AVPI1: variants seen among roughly 807,000 people sequenced by gnomAD.
AVPI1 encodes arginine vasopressin-induced protein 1.
A neutral mutation model predicts 11.9 loss-of-function variants in AVPI1; 9 were observed. That is an observed-to-expected ratio of 0.76 (90% CI 0.46 to 1.32). AVPI1 has a LOEUF of 1.32. AVPI1 is among the 40% of genes most tolerant of loss of function. AVPI1 has a pLI of 0.00. For synonymous variants in AVPI1, 68 were observed against 78.1 expected, an observed-to-expected ratio of 0.87 and a Z score of 0.68; for missense variants, 207 against 195.8, an observed-to-expected ratio of 1.06 and a Z score of -0.34.
At position 97,685,842 on chromosome 10, in the gene AVPI1, A is replaced by T. The variant is rs762939807; in HGVS notation, c.-11+924T>A. 7.9e-5 allele frequency among the ~76,000 whole-genome samples: 12 copies of T among 152,258 alleles called. No individual in the cohort carries two copies. In the East Asian group the frequency reaches 2.1e-3, roughly 27 times the overall value. ...AGGAACTGGGCCCTTTCCCCAGACC[A>T]GTTCTCATATATGACCTGGAAATAA... is the stretch of plus-strand genomic sequence containing the variant. On this transcript the variant is annotated intron_variant, in intron 1 of 2. Transcript: ENST00000370626.
intron 2 of AVPI1, among the ~76,000 whole-genome samples, chr10:97,678,760 T>C (rs1440680801): frequency 8.6e-5 from 13 of 151,620 alleles, no homozygotes; most frequent in Admixed American, 2.0e-4. Context: ...GGATCATAGC[T>C]TACTGCAGCC....
At chr10:97,682,192 G>A (rs2041708708) in intron 1 of AVPI1, among the ~76,000 whole-genome samples, 1 of 152,168 alleles carries the variant, frequency 6.6e-6, no homozygotes, top group African/African-American at 2.4e-5. Flanking sequence ...TGGGTCAGGG[G>A]TACAGGTAAA....
At chr10:97,684,788 C>A (rs1488711667) in intron 1 of AVPI1, among the ~76,000 whole-genome samples, 1 of 152,184 alleles carries the variant, frequency 6.6e-6, no homozygotes, top group African/African-American at 2.4e-5. Context: ...GCGTGAGCCA[C>A]CATGACCGGC....
At chr10:97,681,276 T>TA (rs1372224837) in intron 1 of AVPI1, among the ~76,000 whole-genome samples, 3 of 152,120 alleles carry the variant, frequency 2.0e-5, no homozygotes, top group Non-Finnish European at 4.4e-5. Flanking sequence ...AGAGGATAAA[T>TA]AAAAAATTTA....
chr10:97,682,129 G>T (rs1221443336), intron 1 of AVPI1, among the ~76,000 whole-genome samples: 1 of 152,210 alleles, frequency 6.6e-6, no homozygotes, highest in Non-Finnish European at 1.5e-5. Context: ...CATGGATACT[G>T]AGGAATTTAT....
chr10:97,686,398 G>A (rs535884873), intron 1 of AVPI1, among the ~76,000 whole-genome samples: 260 of 152,312 alleles, frequency 1.7e-3, no homozygotes, highest in Non-Finnish European at 2.9e-3. Flanking sequence ...TCAGTGTCAA[G>A]CGCAGAACAG....
In AVPI1 at chr10:97,677,644, G is replaced by A; in HGVS notation, c.*225C>T. ...TAGTGTTAGACTGGGAAGGACTGTGGCAGGAACAGTCACTGTCTCTCCTCA... is the reference window on the plus strand; with the variant it reads ...TAGTGTTAGACTGGGAAGGACTGTGACAGGAACAGTCACTGTCTCTCCTCA... On this transcript the variant is annotated 3_prime_UTR_variant, in exon 3 of 3. Transcript: ENST00000370626. 1.9e-6 allele frequency: 1 copy of A among 530,810 alleles called. No homozygotes were observed. Among genetic ancestry groups the A allele is most frequent in the Non-Finnish European group, 3.4e-6 (1 of 297,402 alleles). The allele number at this position is 530,810 out of a possible 1,614,324, so 32.9% of individuals were successfully genotyped here. A position where few individuals can be genotyped will look rare whatever the true frequency, so the allele number is the denominator to read the frequency against.
At chr10:97,685,700 A>G (rs1018262968) in intron 1 of AVPI1, among the ~76,000 whole-genome samples, 1 of 152,198 alleles carries the variant, frequency 6.6e-6, no homozygotes, top group Non-Finnish European at 1.5e-5. Flanking sequence ...TCAAATGGGA[A>G]GCCCAGTTCA....
At chr10:97,683,282 C>T (rs962224383) in intron 1 of AVPI1, among the ~76,000 whole-genome samples, 29 of 152,110 alleles carry the variant, frequency 1.9e-4, no homozygotes, top group Admixed American at 1.8e-3. Context: ...CTCAGCCTCC[C>T]GAATAGCTGG....
chr10:97,680,004 T>C, intron 1 of AVPI1, 89 bp from the exon 2 acceptor site: 1 of 1,259,520 alleles, frequency 7.9e-7, no homozygotes, highest in South Asian at 1.5e-5. Context: ...TTCTGATGTT[T>C]CCATTCTCCA....
At chr10:97,685,006 C>T (rs1207893923) in intron 1 of AVPI1, among the ~76,000 whole-genome samples, 3 of 152,172 alleles carry the variant, frequency 2.0e-5, no homozygotes, top group Non-Finnish European at 1.5e-5. Flanking sequence ...CTCCAATTTC[C>T]TGGAGAAGAC....
chr10:97,681,207 G>A (rs1589943711), intron 1 of AVPI1, among the ~76,000 whole-genome samples: 1 of 152,190 alleles, frequency 6.6e-6, no homozygotes, highest in African/African-American at 2.4e-5. Flanking sequence ...AAGGATAAAT[G>A]AGCCCAGTAT....
intron 2 of AVPI1, among the ~76,000 whole-genome samples, chr10:97,678,744 G>A (rs986678793): frequency 2.0e-5 from 3 of 151,572 alleles, no homozygotes; most frequent in African/African-American, 7.3e-5. Context: ...CTGGAGTGCA[G>A]TGACAGGATC....
rs2041702232 is a variant in AVPI1 at position 97,681,333 on chromosome 10, C to T, written c.-10-1418G>A. 7.2e-5 allele frequency among the ~76,000 whole-genome samples: 11 copies of T among 151,996 alleles called. No individual in the cohort carries two copies. In the South Asian group the frequency reaches 2.1e-3, roughly 29 times the overall value. On this transcript the variant is annotated intron_variant, in intron 1 of 2. Coordinates refer to ENST00000370626, the MANE Select transcript of AVPI1 (RefSeq NM_021732.3). The stretch of plus-strand genomic sequence containing the variant: ...GCGTGGTGGCTCACACCTGTAATCC[C>T]AGCACTTTGGGAGGTGAGGCGGGCG...
At chr10:97,682,748 T>C (rs1182595008) in intron 1 of AVPI1, among the ~76,000 whole-genome samples, 1 of 152,142 alleles carries the variant, frequency 6.6e-6, no homozygotes, top group East Asian at 1.9e-4. Flanking sequence ...ACAACTACAA[T>C]AAAGCTGCAG....
intron 2 of AVPI1, 59 bp downstream of exon 2, chr10:97,679,560 T>G (rs1477589235): frequency 6.6e-6 from 10 of 1,522,922 alleles, no homozygotes; most frequent in Non-Finnish European, 8.8e-6. Flanking sequence ...CACACAGCCA[T>G]GCAGTGGTGG....
chr10:97,677,604 C>A lies in AVPI1; in HGVS notation c.*265G>T, dbSNP rs995400580. 2.5e-6 allele frequency: 1 copy of A among 407,858 alleles called. No homozygotes were observed. The highest frequency in any genetic ancestry group is 4.5e-6 in the Non-Finnish European group (1 of 224,496). 25.3% of individuals were successfully genotyped at this position (407,858 alleles called of 1,614,324 possible). ...TGTCACTTTGCTCCCAGGGGAATAT[C>A]ATGCAGCCCAGGAATAGTGTTAGAC... On this transcript the variant is annotated 3_prime_UTR_variant, in exon 3 of 3. Coordinates refer to ENST00000370626, the MANE Select transcript of AVPI1 (RefSeq NM_021732.3).
At position 97,678,970 on chromosome 10, in the gene AVPI1, T is replaced by TCGCC. The variant is rs1288061010; in HGVS notation, c.287+648_287+649insGGCG. On this transcript the variant is annotated intron_variant, in intron 2 of 2. Coordinates refer to ENST00000370626, the MANE Select transcript of AVPI1 (RefSeq NM_021732.3). ...GTGTGTGTGTGTGTGTGTGTGTGTG[T>TCGCC]GTGTGTGTGTGTGTGTGTGTGTGTG... is the stretch of plus-strand genomic sequence containing the variant. 3.5e-5 allele frequency among the ~76,000 whole-genome samples: 3 copies of TCGCC among 85,658 alleles called. 1 individual carries two copies. The East Asian group carries it at 9.0e-4, about 26-fold the overall frequency. 56.2% of individuals were successfully genotyped at this position (85,658 alleles called of 152,430 possible).
At position 97,677,811 on chromosome 10, in the gene AVPI1, C is replaced by T; in HGVS notation, c.*58G>A. On this transcript the variant is annotated 3_prime_UTR_variant, in exon 3 of 3. Coordinates refer to ENST00000370626, the MANE Select transcript of AVPI1 (RefSeq NM_021732.3). ...CTTGCCTAAAGTCTCTCTTCCTTCA[C>T]CTCCCCAGGCCTTTTGGCAAGAGGG... The T allele has an allele frequency of 6.3e-7, 1 of 1,595,130 alleles. No individual in the cohort carries two copies. Among genetic ancestry groups the T allele is most frequent in the Non-Finnish European group, 8.6e-7 (1 of 1,168,890 alleles).
Sources: allele counts gnomAD v4.1 joint callset (sites outside exome capture counted in the v4.1 genomes callset), GRCh38; gene constraint gnomAD v4.1.1; transcripts MANE v1.5; gene names NCBI Gene and HGNC (gene_info 2026-07-23, HGNC 2026-07-21).